The following BRD4 variants were observed in gnomAD, a reference collection of about 807,000 sequenced individuals.
BRD4 encodes the protein bromodomain-containing protein 4.
Under a neutral mutation model 142.1 loss-of-function variants are expected in BRD4, and 16 were observed. The observed-to-expected ratio is 0.11, with a 90% CI of 0.08 to 0.17. The LOEUF is 0.17. Ranked by LOEUF, BRD4 falls within the 10% of genes least tolerant of loss-of-function variation. BRD4 has a pLI of 1.00. For synonymous variants in BRD4, 833 were observed against 707.5 expected, an observed-to-expected ratio of 1.18 and a Z score of -2.82; for missense variants, 1,424 against 1,810.9, an observed-to-expected ratio of 0.79 and a Z score of 3.88.
At chr19:15,289,500 G>C (rs993394147) in intron 1 of BRD4, among the ~76,000 whole-genome samples, 1 of 152,058 alleles carries the variant, frequency 6.6e-6, no homozygotes, top group African/African-American at 2.4e-5. Flanking sequence ...GCGATGAGCC[G>C]AGATCGCGCC....
chr19:15,262,395 TAC>T (rs1224556343), intron 7 of BRD4, among the ~76,000 whole-genome samples: 1 of 151,890 alleles, frequency 6.6e-6, no homozygotes, highest in African/African-American at 2.4e-5. Context: ...ATCATTTATC[TAC>T]AGTCTTAAAG....
At chr19:15,302,668 CAAAAAAAA>C (rs572714842) in intron 1 of BRD4, among the ~76,000 whole-genome samples, 3 of 56,790 alleles carry the variant, frequency 5.3e-5, no homozygotes, top group African/African-American at 1.5e-4. Context: ...GACTCCGACT[CAAAAAAAA>C]AAAAAAAAAA....
intron 1 of BRD4, among the ~76,000 whole-genome samples, chr19:15,322,518 G>A (rs1453297591): frequency 5.4e-5 from 8 of 148,710 alleles, no homozygotes; most frequent in Non-Finnish European, 8.9e-5. Flanking sequence ...GAGCATCCTG[G>A]CTAACACGGT....
intron 1 of BRD4, among the ~76,000 whole-genome samples, chr19:15,288,717 C>G (rs542669068): frequency 1.3e-5 from 2 of 152,212 alleles, no homozygotes; most frequent in Admixed American, 6.5e-5. Flanking sequence ...AGTCAACGCC[C>G]GAGGGTGGCC....
chr19:15,287,378 C>A (rs2047748055), intron 1 of BRD4, among the ~76,000 whole-genome samples: 1 of 152,070 alleles, frequency 6.6e-6, no homozygotes, highest in Non-Finnish European at 1.5e-5. Context: ...CGCTACTATG[C>A]AATCACTATC....
At chr19:15,260,887 G>A (rs1421452419) in intron 7 of BRD4, among the ~76,000 whole-genome samples, 3 of 152,078 alleles carry the variant, frequency 2.0e-5, no homozygotes, top group African/African-American at 7.2e-5. Context: ...GTCAGGAGAG[G>A]ACAGAAAAAA....
Position 15,263,566 on chromosome 19 carries a change from T to C in BRD4, c.1213-18A>G, listed in dbSNP as rs750298000. On this transcript the variant is annotated intron_variant, in intron 6 of 19. Coordinates refer to ENST00000679869, the MANE Select transcript of BRD4 (RefSeq NM_001379291.1). ...AGTTTAGACTGGAAAACAAGACAAG[T>C]CCCTGTTAGCTGTGTCTGCCCATGT... 3 of 1,613,664 alleles carry C rather than the reference T, an allele frequency of 1.9e-6. No homozygotes were observed. Among genetic ancestry groups the C allele is most frequent in the Non-Finnish European group, 8.5e-7 (1 of 1,179,706 alleles).
At chr19:15,241,962 G>A (rs1284160186) in intron 14 of BRD4, among the ~76,000 whole-genome samples, 1 of 152,092 alleles carries the variant, frequency 6.6e-6, no homozygotes, top group Non-Finnish European at 1.5e-5. Context: ...ACAGGTGCCT[G>A]CCACCATGCC....
chr19:15,254,493 A>G (rs923279856), intron 10 of BRD4, among the ~76,000 whole-genome samples: 4 of 152,140 alleles, frequency 2.6e-5, no homozygotes, highest in Admixed American at 6.5e-5. Flanking sequence ...AATCTCTCAA[A>G]AAGTCTCCTT....
chr19:15,277,971 C>T (rs1159448793), intron 1 of BRD4, among the ~76,000 whole-genome samples: 2 of 149,466 alleles, frequency 1.3e-5, no homozygotes, highest in African/African-American at 2.5e-5. Flanking sequence ...CCAGGCATGG[C>T]AGCGGGCGCC....
chr19:15,283,888 C>G lies in BRD4; in HGVS notation c.-34-10755G>C, dbSNP rs1431460047. Reference sequence around the variant, plus strand: ...AAGTGCTTTCAGAGACACCATGACCCAACACCCCCACCAGCAACATTTTAG... The same window carrying G: ...AAGTGCTTTCAGAGACACCATGACCGAACACCCCCACCAGCAACATTTTAG... On this transcript the variant is annotated intron_variant, in intron 1 of 19. Transcript: ENST00000679869. Among the ~76,000 whole-genome samples, 3 of 152,164 alleles carry G rather than the reference C, an allele frequency of 2.0e-5. No homozygotes were observed. In the East Asian group the frequency reaches 5.8e-4, roughly 29 times the overall value.
At position 15,254,159 on chromosome 19, in the gene BRD4, G is replaced by A. The variant is rs200329089; in HGVS notation, c.2151C>T (p.Ser717=). Residue 717 remains serine (S), a synonymous_variant, in exon 11 of 20, where the codon TCC becomes TCT. Transcript: ENST00000679869. The stretch of plus-strand genomic sequence containing the variant: ...GAACACAAGTCACCTAACCTGTTTC[G>A]GAGTCTTCGCTGTCAGAGGAGCTGG... ...SESSSSDSED[S]ETEMAPKSKK... is the part of the protein sequence containing the mutation. 47 of 1,613,738 alleles carry A rather than the reference G, an allele frequency of 2.9e-5. 1 individual carries two copies. Among genetic ancestry groups the A allele is most frequent in the Admixed American group, 1.0e-4 (6 of 60,004 alleles).
At chr19:15,280,100 C>T (rs2047690951) in intron 1 of BRD4, among the ~76,000 whole-genome samples, 1 of 152,244 alleles carries the variant, frequency 6.6e-6, no homozygotes, top group Non-Finnish European at 1.5e-5. Flanking sequence ...TCTGTATTGG[C>T]TTAGTTATCC....
intron 11 of BRD4, among the ~76,000 whole-genome samples, chr19:15,246,187 G>C (rs2145523784): frequency 6.6e-6 from 1 of 152,328 alleles, no homozygotes; most frequent in Middle Eastern, 3.4e-3. Flanking sequence ...GACATCTGAT[G>C]AGAGAGATAC....
At chr19:15,309,871 C>CAA (rs1468801206) in intron 1 of BRD4, among the ~76,000 whole-genome samples, 1 of 152,150 alleles carries the variant, frequency 6.6e-6, no homozygotes, top group Non-Finnish European at 1.5e-5. Context: ...ACAAAGCAAT[C>CAA]AAGTCATCCA....
At chr19:15,244,629 A>G in intron 12 of BRD4, 29 bp from the exon 13 acceptor site, 1 of 1,613,838 alleles carries the variant, frequency 6.2e-7, no homozygotes, top group Non-Finnish European at 8.5e-7. Flanking sequence ...ACAGACAGAC[A>G]GGCTGATGTC....
At chr19:15,282,428 C>A (rs750256822) in intron 1 of BRD4, among the ~76,000 whole-genome samples, 2 of 152,186 alleles carry the variant, frequency 1.3e-5, no homozygotes, top group Non-Finnish European at 2.9e-5. Flanking sequence ...GTGTGGATGA[C>A]AACACCTACT....
At chr19:15,293,722 C>G (rs2047801917) in intron 1 of BRD4, among the ~76,000 whole-genome samples, 1 of 152,208 alleles carries the variant, frequency 6.6e-6, no homozygotes, top group South Asian at 2.1e-4. Flanking sequence ...GCTTTAAGTA[C>G]ATTTACACTG....
At chr19:15,280,519 G>A in intron 1 of BRD4, 3 of 867,576 alleles carry the variant, frequency 3.5e-6, no homozygotes, top group Non-Finnish European at 4.2e-6. Context: ...CTTACAATGA[G>A]ATATATCCCG....
Sources: allele counts gnomAD v4.1 joint callset (sites outside exome capture counted in the v4.1 genomes callset), GRCh38; gene constraint gnomAD v4.1.1; transcripts MANE v1.5; gene names NCBI Gene and HGNC (gene_info 2026-07-23, HGNC 2026-07-21).